Variants in DDX23 observed in about 807,000 individuals in gnomAD.
The protein encoded by DDX23 is DEAD-box helicase 23, also known as probable ATP-dependent RNA helicase DDX23.
DDX23 carries 33 observed loss-of-function variants against 102.7 expected under a neutral mutation model. The ratio of observed to expected loss-of-function variants is 0.32; its 90% CI spans 0.24 to 0.43. DDX23 has a LOEUF of 0.43. DDX23 is among the 20% of genes least tolerant of loss of function. DDX23 has a pLI of 1.00. For synonymous variants in DDX23, 352 were observed against 376.0 expected, an observed-to-expected ratio of 0.94 and a Z score of 0.74; for missense variants, 549 against 1,086.6, an observed-to-expected ratio of 0.51 and a Z score of 6.96.
At chr12:48,841,685 G>A (rs549190132) in intron 3 of DDX23, among the ~76,000 whole-genome samples, 1 of 152,364 alleles carries the variant, frequency 6.6e-6, no homozygotes, top group African/African-American at 2.4e-5. Flanking sequence ...CTGGTCTCCA[G>A]CTCCTGACCG....
intron 3 of DDX23, among the ~76,000 whole-genome samples, chr12:48,840,627 A>G (rs2137488403): frequency 6.7e-6 from 1 of 149,230 alleles, no homozygotes; most frequent in Non-Finnish European, 1.5e-5. Context: ...ATCTCAGCTC[A>G]CTGCAACCTC....
rs1938358970 is a variant in DDX23, at chr12:48,830,060, C to G, written c.*409G>C. On this transcript the variant is annotated 3_prime_UTR_variant, in exon 17 of 17. Transcript: ENST00000308025. This position sits in a 1 kb window ranked among gnomAD's most constrained non-coding sequence, Gnocchi z 4.9. ...CATGGTGCCAGGTCTCCTGGGGCAT[C>G]TAGGGCAATGATGCTACTGCAGTTT... The G allele has an allele frequency of 2.7e-6, 1 of 372,772 alleles. No homozygotes were observed. Among genetic ancestry groups the G allele is most frequent in the African/African-American group, 2.1e-5 (1 of 47,408 alleles). The allele number at this position is 372,772 out of a possible 1,614,324, so 23.1% of individuals were successfully genotyped here.
rs187129865 is a variant in DDX23 at position 48,832,015 on chromosome 12, C to T, written c.2064+63G>A. 1 of 1,472,774 alleles carries T rather than the reference C, an allele frequency of 6.8e-7. No individual in the cohort carries two copies. Among genetic ancestry groups the T allele is most frequent in the Non-Finnish European group, 9.5e-7 (1 of 1,054,488 alleles). 91.2% of individuals were successfully genotyped at this position (1,472,774 alleles called of 1,614,324 possible). A position where few individuals can be genotyped will look rare whatever the true frequency, so the allele number is the denominator to read the frequency against. ...GACTTGAAAGGAAGAGCCTAGGGGG[C>T]CCTGCTAGATTCAGAAAGCAGTGCC... On this transcript the variant is annotated intron_variant, in intron 15 of 16. Coordinates refer to ENST00000308025, the MANE Select transcript of DDX23 (RefSeq NM_004818.3). The surrounding 1 kb of genome is among the most constrained non-coding windows in gnomAD (Gnocchi z 4.4).
At chr12:48,846,520 T>G (rs1252426815) in intron 1 of DDX23, among the ~76,000 whole-genome samples, 2 of 152,296 alleles carry the variant, frequency 1.3e-5, no homozygotes, top group Non-Finnish European at 2.9e-5. Flanking sequence ...AAGTTTAACT[T>G]TGAGATCTGG....
At position 48,833,376 on chromosome 12, in the gene DDX23, C is replaced by G. The variant is rs540976265; in HGVS notation, c.1704G>C (p.Glu568Asp). The stretch of plus-strand genomic sequence containing the variant: ...GCTTCTGGTTGCTGACAGGCATGTG[C>G]TCCAGGATCTTCTGGACATCTGGCT... Reference protein sequence around the residue: ...GFEPDVQKILEHMPVSNQKPD... With the variant: ...GFEPDVQKILDHMPVSNQKPD... The change falls in exon 13 of 17, where the codon GAG (glutamate) becomes GAC (aspartate). Residue 568 changes from glutamate (E) to aspartate (D), a missense_variant. This residue lies in a region of DDX23 where 270 missense variants were observed against 707.0 expected (regional missense o/e 0.38). Coordinates refer to ENST00000308025, the MANE Select transcript of DDX23 (RefSeq NM_004818.3). 6.2e-7 allele frequency: 1 copy of G among 1,614,196 alleles called. No homozygotes were observed. Among genetic ancestry groups the G allele is most frequent in the South Asian group, 1.1e-5 (1 of 91,082 alleles).
At position 48,836,822 on chromosome 12, in the gene DDX23, A is replaced by C. The variant is rs1938472701; in HGVS notation, c.1011-28T>G. 1.2e-6 allele frequency: 2 copies of C among 1,613,186 alleles called. No individual in the cohort carries two copies. The highest frequency in any genetic ancestry group is 1.1e-5 in the South Asian group (1 of 91,070). On this transcript the variant is annotated intron_variant, in intron 9 of 16. Transcript: ENST00000308025. This position sits in a 1 kb window ranked among gnomAD's most constrained non-coding sequence, Gnocchi z 6.1. ...GGAGCAGGGTGTGAGGAGTAAGTAG[A>C]ATCAGTGCCCTCCAACTCCTTTCTG...
intron 5 of DDX23, 25 bp downstream of exon 5, chr12:48,839,819 T>C (rs1220448059): frequency 2.5e-6 from 4 of 1,612,736 alleles, no homozygotes; most frequent in Admixed American, 3.3e-5. Flanking sequence ...CCTGAGCCGA[T>C]GAATGAAGAC....
At chr12:48,841,394 C>A (rs113407173) in intron 3 of DDX23, among the ~76,000 whole-genome samples, 4 of 151,712 alleles carry the variant, frequency 2.6e-5, no homozygotes, top group Non-Finnish European at 4.4e-5. Context: ...CTCAAAAAAA[C>A]CCCCAAAGAT....
At chr12:48,833,693 C>A in intron 12 of DDX23, 174 bp from the exon 13 acceptor site, 1 of 770,588 alleles carries the variant, frequency 1.3e-6, no homozygotes, top group Non-Finnish European at 2.0e-6. Flanking sequence ...CACTTGTTGC[C>A]TGGATTTTCT....
intron 6 of DDX23, 133 bp from the exon 7 acceptor site, chr12:48,837,790 TCTA>T: frequency 6.5e-7 from 1 of 1,528,926 alleles, no homozygotes; most frequent in East Asian, 2.3e-5. Context: ...TAAATGGAGA[TCTA>T]ACAGAAAAAT....
Position 48,838,125 on chromosome 12 carries a change from G to A in DDX23, c.481-45C>T, listed in dbSNP as rs373595424. ...TGTCAACAAAGGATCTGGGAGCAGG[G>A]TACAATCACATCACTGATGGGGAGA... is the stretch of plus-strand genomic sequence containing the variant. On this transcript the variant is annotated intron_variant, in intron 5 of 16. Transcript: ENST00000308025. 11 of 1,610,546 alleles carry A rather than the reference G, an allele frequency of 6.8e-6. No homozygotes were observed. In the African/African-American group the frequency reaches 1.2e-4, roughly 18 times the overall value.
At chr12:48,843,089 C>T (rs950608627) in intron 3 of DDX23, among the ~76,000 whole-genome samples, 1 of 149,686 alleles carries the variant, frequency 6.7e-6, no homozygotes, top group Non-Finnish European at 1.5e-5. Flanking sequence ...TAAACAGATG[C>T]TTGAAGGCAG....
chr12:48,837,114 GA>G, intron 8 of DDX23, 77 bp from the exon 9 acceptor site: 2 of 1,589,898 alleles, frequency 1.3e-6, no homozygotes, highest in Non-Finnish European at 1.7e-6. Flanking sequence ...CTACTAGTAT[GA>G]AACAGTTCTT....
chr12:48,831,830 G>C (rs887804273), intron 15 of DDX23: 2 of 556,044 alleles, frequency 3.6e-6, no homozygotes, highest in Non-Finnish European at 6.4e-6. Context: ...ACCTTTCCCT[G>C]GCTCCACCTC....
At chr12:48,848,304 A>AC (rs1352913720) in intron 1 of DDX23, among the ~76,000 whole-genome samples, 16 of 151,526 alleles carry the variant, frequency 1.1e-4, no homozygotes, top group African/African-American at 3.6e-4. Flanking sequence ...AACAAAACAA[A>AC]AAACAAAAAA....
In DDX23 at chr12:48,832,745, C is replaced by A. The variant is rs2137481136; in HGVS notation, c.1804-172G>T. 2.5e-6 allele frequency: 2 copies of A among 811,220 alleles called. No individual in the cohort carries two copies. The highest frequency in any genetic ancestry group is 5.5e-5 in the East Asian group (2 of 36,388). The allele number at this position is 811,220 out of a possible 1,614,324, so 50.3% of individuals were successfully genotyped here. On this transcript the variant is annotated intron_variant, in intron 13 of 16. Coordinates refer to ENST00000308025, the MANE Select transcript of DDX23 (RefSeq NM_004818.3). The surrounding 1 kb of genome is among the most constrained non-coding windows in gnomAD (Gnocchi z 4.4). ...TCTGAATTCCCATCCTTCCTGAGTA[C>A]CTGCTCATCAAGGCACTTTCCATCT...
At chr12:48,839,652 G>T in intron 5 of DDX23, 192 bp downstream of exon 5, 1 of 553,710 alleles carries the variant, frequency 1.8e-6, no homozygotes, top group Non-Finnish European at 3.2e-6. Flanking sequence ...ACCATGTGAA[G>T]AGCTGAGGAA....
chr12:48,833,035 G>T, intron 13 of DDX23: 1 of 556,746 alleles, frequency 1.8e-6, no homozygotes, highest in South Asian at 2.1e-5. Flanking sequence ...GGATGGAATG[G>T]AGTAGTGGCA....
Position 48,836,023 on chromosome 12 carries a change from T to C in DDX23, c.1382+98A>G. 7.5e-7 allele frequency: 1 copy of C among 1,328,624 alleles called. No homozygotes were observed. Among genetic ancestry groups the C allele is most frequent in the Admixed American group, 1.9e-5 (1 of 53,564 alleles). 82.3% of individuals were successfully genotyped at this position (1,328,624 alleles called of 1,614,324 possible). A position where few individuals can be genotyped will look rare whatever the true frequency, so the allele number is the denominator to read the frequency against. On this transcript the variant is annotated intron_variant, in intron 11 of 16. Transcript: ENST00000308025. The surrounding 1 kb of genome is among the most constrained non-coding windows in gnomAD (Gnocchi z 6.1). ...CCAACAAAGAATAAAGAAGAAAGCT[T>C]CTGATTATAGACGTAAAACAAAAAT...
Sources: gnomAD v4.1 joint callset for allele counts (sites outside exome capture counted in the v4.1 genomes callset) on GRCh38, gnomAD v4.1.1 for gene constraint, gnomAD v4.1.1 regional missense constraint, Gnocchi (gnomAD v3.1) non-coding constraint, MANE v1.5 for transcripts, NCBI Gene and HGNC (gene_info 2026-07-23, HGNC 2026-07-21) for gene names.